NRP2: variants seen among roughly 807,000 people sequenced by gnomAD.
The protein encoded by NRP2 is neuropilin-2.
Under a neutral mutation model 110.4 loss-of-function variants are expected in NRP2, and 52 were observed. The ratio of observed to expected loss-of-function variants is 0.47; its 90% CI spans 0.38 to 0.59. The LOEUF (loss-of-function observed/expected upper bound fraction) is 0.59. NRP2 is among the 20% of genes least tolerant of loss of function. The pLI is 0.00. For missense variants in NRP2, 1,049 were observed against 1,203.0 expected, an observed-to-expected ratio of 0.87 and a Z score of 1.89; for synonymous variants, 508 against 468.9, an observed-to-expected ratio of 1.08 and a Z score of -1.08.
intron 2 of NRP2, 187 bp downstream of exon 2, chr2:205,697,908 C>A: frequency 1.5e-6 from 1 of 678,866 alleles, no homozygotes. Flanking sequence ...GTGGCTGATC[C>A]CACAGTATGG....
chr2:205,743,899 A>C (rs1489865566), intron 9 of NRP2, among the ~76,000 whole-genome samples: 1 of 152,036 alleles, frequency 6.6e-6, no homozygotes, highest in East Asian at 1.9e-4. Context: ...GCCCGCCACC[A>C]CACCTAGCTA....
intron 2 of NRP2, among the ~76,000 whole-genome samples, chr2:205,699,888 G>T (rs2056515720): frequency 6.6e-6 from 1 of 152,152 alleles, no homozygotes; most frequent in African/African-American, 2.4e-5. Context: ...AACTGTCAGA[G>T]AGGCTCTGTT....
rs200412802 is a variant in NRP2, at chr2:205,791,154, G to A, written c.2426-1081G>A. On this transcript the variant is annotated intron_variant, in intron 15 of 16. Coordinates refer to ENST00000357785, the MANE Select transcript of NRP2 (RefSeq NM_003872.3). ...TGTAGTGCTGATGAAGGAAGCTTTC[G>A]GGATGGTCTAAAGTTCTTTTTCTCC... 1.3e-4 allele frequency among the ~76,000 whole-genome samples: 20 copies of A among 152,142 alleles called. 1 individual carries two copies. The South Asian group carries it at 2.5e-3, about 19-fold the overall frequency.
chr2:205,759,489 G>A (rs1224309259), intron 12 of NRP2: 4 of 152,210 alleles, frequency 2.6e-5, no homozygotes, highest in Non-Finnish European at 5.9e-5. Context: ...GTTCCTCCGG[G>A]AGGCAGGACT....
Position 205,797,059 on chromosome 2 carries a change from C to T in NRP2, c.*2001C>T, listed in dbSNP as rs1351451167. On this transcript the variant is annotated 3_prime_UTR_variant, in exon 17 of 17. Coordinates refer to ENST00000357785, the MANE Select transcript of NRP2 (RefSeq NM_003872.3). ...GTGTGTCTTTGCTGCTTTGAGTTCTCTGTATCTACTGTGTATGTGAATGGT... is the reference window on the plus strand; with the variant it reads ...GTGTGTCTTTGCTGCTTTGAGTTCTTTGTATCTACTGTGTATGTGAATGGT... 1 of 152,666 alleles carries T rather than the reference C, an allele frequency of 6.6e-6. No individual in the cohort carries two copies. The highest frequency in any genetic ancestry group is 1.5e-5 in the Non-Finnish European group (1 of 68,048). The allele number at this position is 152,666 out of a possible 1,614,324, so 9.5% of individuals were successfully genotyped here.
chr2:205,715,935 C>T (rs1419519837), intron 2 of NRP2, among the ~76,000 whole-genome samples: 5 of 152,186 alleles, frequency 3.3e-5, no homozygotes, highest in South Asian at 2.1e-4. Context: ...TTTGATAGAA[C>T]GATGCTCCTG....
chr2:205,782,164 C>A (rs2058182026), intron 15 of NRP2, among the ~76,000 whole-genome samples: 1 of 152,112 alleles, frequency 6.6e-6, no homozygotes, highest in Non-Finnish European at 1.5e-5. Context: ...GATAACAGAC[C>A]TAGAATCATC....
chr2:205,770,492 CTCCTT>C (rs1409987283), intron 15 of NRP2, among the ~76,000 whole-genome samples: 1 of 152,170 alleles, frequency 6.6e-6, no homozygotes, highest in Non-Finnish European at 1.5e-5. Context: ...ACCCCCTTCT[CTCCTT>C]TCCCATTCCC....
intron 2 of NRP2, among the ~76,000 whole-genome samples, chr2:205,715,004 G>T (rs915094429): frequency 6.6e-6 from 1 of 152,174 alleles, no homozygotes; most frequent in Non-Finnish European, 1.5e-5. Context: ...GCAAGGAAGA[G>T]ATTTCTTAAG....
In NRP2 at chr2:205,725,318, A is replaced by G. The variant is rs890325398; in HGVS notation, c.821-595A>G. Among the ~76,000 whole-genome samples the G allele has an allele frequency of 6.6e-6, 1 of 152,230 alleles. No individual in the cohort carries two copies. The highest frequency in any genetic ancestry group is 2.4e-5 in the African/African-American group (1 of 41,454). ...GAAGGACAGCAATGCAACTGACAGC[A>G]CAGGGCCAGAGTAAGTGACTTCTGG... On this transcript the variant is annotated intron_variant, in intron 5 of 16. Coordinates refer to ENST00000357785, the MANE Select transcript of NRP2 (RefSeq NM_003872.3). This position sits in a 1 kb window ranked among gnomAD's most constrained non-coding sequence, Gnocchi z 4.1.
At chr2:205,707,219 A>G (rs1421446870) in intron 2 of NRP2, among the ~76,000 whole-genome samples, 1 of 152,266 alleles carries the variant, frequency 6.6e-6, no homozygotes, top group African/African-American at 2.4e-5. Context: ...CATGCCTCAC[A>G]TGGCCCGGGC....
rs1406174312 is a variant in NRP2 at position 205,728,005 on chromosome 2, GGA to G, written c.1109_1110del (p.Glu370GlyfsTer22). 1 of 1,614,166 alleles carries G rather than the reference GGA, an allele frequency of 6.2e-7. No homozygotes were observed. The highest frequency in any genetic ancestry group is 8.5e-7 in the Non-Finnish European group (1 of 1,180,034). On this transcript the variant is annotated frameshift_variant, in exon 7 of 17. Coordinates refer to ENST00000357785, the MANE Select transcript of NRP2 (RefSeq NM_003872.3). LOFTEE classifies it high-confidence loss of function. ...KSYKLEVSTN[G>X]EDWMVYRHGK... ...CTACAAGCTGGAAGTCAGCACTAAT[GGA>G]GAGGACTGGATGGTGTACCGGCATG...
At chr2:205,788,508 A>T (rs1306136360) in intron 15 of NRP2, among the ~76,000 whole-genome samples, 2 of 152,158 alleles carry the variant, frequency 1.3e-5, no homozygotes, top group African/African-American at 4.8e-5. Flanking sequence ...TTCCTTGATG[A>T]GCCTGATACG....
chr2:205,722,105 A>T (rs1575586384), intron 3 of NRP2, among the ~76,000 whole-genome samples: 1 of 149,488 alleles, frequency 6.7e-6, no homozygotes, highest in Non-Finnish European at 1.5e-5. Flanking sequence ...GCAGCTGAGT[A>T]ATTGAGAAAG....
At position 205,765,639 on chromosome 2, in the gene NRP2, G is replaced by A. The variant is rs764841622; in HGVS notation, c.2404+69G>A. The A allele has an allele frequency of 2.3e-6, 3 of 1,327,422 alleles. No individual in the cohort carries two copies. In the Admixed American group the frequency reaches 5.0e-5, roughly 22 times the overall value. The allele number at this position is 1,327,422 out of a possible 1,614,324, so 82.2% of individuals were successfully genotyped here. The stretch of plus-strand genomic sequence containing the variant: ...CCAAGGGCTGGGATAAGCAAGAGGA[G>A]GCAGGACACCATTTTCCAATGCAGT... On this transcript the variant is annotated intron_variant, in intron 14 of 16. Transcript: ENST00000357785.
At chr2:205,782,706 T>G (rs2058188588) in intron 15 of NRP2, among the ~76,000 whole-genome samples, 1 of 152,244 alleles carries the variant, frequency 6.6e-6, no homozygotes. Flanking sequence ...GATGACTTGC[T>G]TCTTTTCATT....
chr2:205,722,723 G>C lies in NRP2; in HGVS notation c.664+15G>C, dbSNP rs2057045996. 3 of 1,599,924 alleles carry C rather than the reference G, an allele frequency of 1.9e-6. No individual in the cohort carries two copies. Among genetic ancestry groups the C allele is most frequent in the Non-Finnish European group, 2.6e-6 (3 of 1,167,076 alleles). ...CATTCCACATGGTGAGTGATGTCAT[G>C]AGGCATTCCTCAGTAGCTTGGCCTT... On this transcript the variant is annotated intron_variant, in intron 4 of 16. Coordinates refer to ENST00000357785, the MANE Select transcript of NRP2 (RefSeq NM_003872.3).
At chr2:205,758,753 C>T (rs2057773905) in intron 12 of NRP2, among the ~76,000 whole-genome samples, 1 of 152,178 alleles carries the variant, frequency 6.6e-6, no homozygotes, top group African/African-American at 2.4e-5. Context: ...GAACATATTT[C>T]CTTTCCATTG....
rs555404107 is a variant in NRP2 at position 205,721,165 on chromosome 2, A to C, written c.434-1313A>C. 4.6e-5 allele frequency among the ~76,000 whole-genome samples: 7 copies of C among 152,290 alleles called. No individual in the cohort carries two copies. The East Asian group carries it at 1.4e-3, about 29-fold the overall frequency. ...AGAGACTCAATGAGAGGCCCCCTAC[A>C]GGAGCTGCGGATAAAGGCATCGCTG... is the stretch of plus-strand genomic sequence containing the variant. On this transcript the variant is annotated intron_variant, in intron 3 of 16. Coordinates refer to ENST00000357785, the MANE Select transcript of NRP2 (RefSeq NM_003872.3).
Sources: gnomAD v4.1 joint callset for allele counts (sites outside exome capture counted in the v4.1 genomes callset) on GRCh38, gnomAD v4.1.1 for gene constraint, Gnocchi (gnomAD v3.1) non-coding constraint, MANE v1.5 for transcripts, NCBI Gene and HGNC (gene_info 2026-07-23, HGNC 2026-07-21) for gene names.